Variants in SNX31 observed in about 807,000 individuals in gnomAD.
The protein encoded by SNX31 is sorting nexin-31.
In SNX31, 58 loss-of-function variants were observed where a neutral mutation model predicts 65.4. The observed-to-expected ratio is 0.89, with a 90% confidence interval of 0.72 to 1.10. SNX31 has a LOEUF of 1.10. Among genes scored for constraint, SNX31 ranks in the 50% least tolerant of loss-of-function variants. The probability of loss-of-function intolerance (pLI) is 0.00; values close to 1 mark genes in which losing one functional copy is unlikely to be tolerated. For synonymous variants in SNX31, 181 were observed against 190.1 expected (o/e 0.95, Z 0.39); for missense variants, 523 against 529.7 (o/e 0.99, Z 0.12).
chr8:100,592,890 A>G (rs1814710264), intron 10 of SNX31, among the ~76,000 whole-genome samples: 1 of 152,240 alleles, frequency 6.6e-6, no homozygotes, highest in African/African-American at 2.4e-5. Context: ...ATATGATTCC[A>G]TTAATATACG....
At chr8:100,582,840 G>A (rs181238696) in intron 12 of SNX31, among the ~76,000 whole-genome samples, 56 of 151,402 alleles carry the variant, frequency 3.7e-4, no homozygotes, top group African/African-American at 1.3e-3. Flanking sequence ...AAAATCAGCC[G>A]GGCGTGGTGG....
In SNX31 at chr8:100,591,444, G is replaced by A. The variant is rs372155916; in HGVS notation, c.979-2465C>T. Among the ~76,000 whole-genome samples the A allele has an allele frequency of 3.1e-4, 45 of 144,552 alleles. 1 individual carries two copies. The South Asian group carries it at 9.1e-3, about 29-fold the overall frequency. 94.8% of individuals were successfully genotyped at this position (144,552 alleles called of 152,430 possible). ...GCGGAGCTTGCAGTGAGCCGAGATC[G>A]CGCCACTGCACTCCAGCCTGGGCAA... is the stretch of plus-strand genomic sequence containing the variant. On this transcript the variant is annotated intron_variant, in intron 10 of 13. Transcript: ENST00000311812.
At chr8:100,587,974 T>C (rs1050697940) in intron 11 of SNX31, among the ~76,000 whole-genome samples, 1 of 152,190 alleles carries the variant, frequency 6.6e-6, no homozygotes, top group African/African-American at 2.4e-5. Flanking sequence ...CTAAGCTAGA[T>C]GATAGAGCCT....
chr8:100,582,713 C>T (rs1005951413), intron 12 of SNX31, among the ~76,000 whole-genome samples: 3 of 152,038 alleles, frequency 2.0e-5, no homozygotes, highest in Admixed American at 6.6e-5. Context: ...TGCGGTGGCT[C>T]ATGCCTGTAA....
chr8:100,624,011 G>A (rs1281240267), intron 4 of SNX31, among the ~76,000 whole-genome samples: 1 of 151,684 alleles, frequency 6.6e-6, no homozygotes, highest in East Asian at 1.9e-4. Context: ...GGGGGGAGGT[G>A]GGGGGATGCG....
At chr8:100,595,944 G>A (rs533000433) in intron 10 of SNX31, among the ~76,000 whole-genome samples, 3 of 152,290 alleles carry the variant, frequency 2.0e-5, no homozygotes, top group Non-Finnish European at 2.9e-5. Flanking sequence ...GGAGAAAGGA[G>A]AGAGATCTTT....
intron 10 of SNX31, among the ~76,000 whole-genome samples, chr8:100,592,648 C>T (rs571242709): frequency 5.3e-5 from 8 of 152,270 alleles, no homozygotes; most frequent in Non-Finnish European, 8.8e-5. Flanking sequence ...GACATAAAAA[C>T]ATGTCTACAC....
In SNX31 at chr8:100,609,384, CTGAT is replaced by C. The variant is rs941544100; in HGVS notation, c.612-825_612-822del. The stretch of plus-strand genomic sequence containing the variant: ...CCCTGAGTTTATTCCAATTGCCACT[CTGAT>C]TAAGTTTTCTTGACACCATCTGTGA... On this transcript the variant is annotated intron_variant, in intron 7 of 13. Transcript: ENST00000311812. This position sits in a 1 kb window ranked among gnomAD's most constrained non-coding sequence, Gnocchi z 4.9. 1.3e-5 allele frequency among the ~76,000 whole-genome samples: 2 copies of C among 152,188 alleles called. No individual in the cohort carries two copies. The highest frequency in any genetic ancestry group is 4.8e-5 in the African/African-American group (2 of 41,438).
rs1814832901 is a variant in SNX31, at chr8:100,594,036, C to T, written c.978+2603G>A. On this transcript the variant is annotated intron_variant, in intron 10 of 13. Transcript: ENST00000311812. This position sits in a 1 kb window ranked among gnomAD's most constrained non-coding sequence, Gnocchi z 4.0. Reference sequence around the variant, plus strand: ...CTATAGAGTGGGCCAGGTGTGGTGGCTCACACCTGTAATCCCAGCACTTTG... The same window carrying T: ...CTATAGAGTGGGCCAGGTGTGGTGGTTCACACCTGTAATCCCAGCACTTTG... Among the ~76,000 whole-genome samples, 1 of 152,024 alleles carries T rather than the reference C, an allele frequency of 6.6e-6. No homozygotes were observed. The highest frequency in any genetic ancestry group is 6.6e-5 in the Admixed American group (1 of 15,262).
rs1365261358 is a variant in SNX31, at chr8:100,609,034, A to G, written c.612-471T>C. Among the ~76,000 whole-genome samples, 1 of 152,102 alleles carries G rather than the reference A, an allele frequency of 6.6e-6. No homozygotes were observed. Among genetic ancestry groups the G allele is most frequent in the African/African-American group, 2.4e-5 (1 of 41,426 alleles). On this transcript the variant is annotated intron_variant, in intron 7 of 13. Coordinates refer to ENST00000311812, the MANE Select transcript of SNX31 (RefSeq NM_152628.4). This position sits in a 1 kb window ranked among gnomAD's most constrained non-coding sequence, Gnocchi z 4.9. The stretch of plus-strand genomic sequence containing the variant: ...CCATGTGCCCTTAATCTGATGCTCC[A>G]CATTCTAACCAGAGTGGTCTTTCCT...
At chr8:100,647,355 T>C (rs1281254917) in intron 2 of SNX31, among the ~76,000 whole-genome samples, 1 of 152,188 alleles carries the variant, frequency 6.6e-6, no homozygotes, top group Non-Finnish European at 1.5e-5. Context: ...AAGGCCCCAA[T>C]AGTAAATAAC....
At chr8:100,656,476 A>G (rs780875888) in intron 1 of SNX31, among the ~76,000 whole-genome samples, 1 of 151,860 alleles carries the variant, frequency 6.6e-6, no homozygotes, top group Non-Finnish European at 1.5e-5. Context: ...CCCTGTCTCT[A>G]CTAAAAATAC....
At chr8:100,608,738 A>G (rs940227658) in intron 7 of SNX31, among the ~76,000 whole-genome samples, 175 bp from the exon 8 acceptor site, 12 of 152,020 alleles carry the variant, frequency 7.9e-5, no homozygotes. Flanking sequence ...TTCGTTTCCT[A>G]ATTTCTTTAC....
rs1028894476 is a variant in SNX31 at position 100,609,190 on chromosome 8, A to C, written c.612-627T>G. On this transcript the variant is annotated intron_variant, in intron 7 of 13. Coordinates refer to ENST00000311812, the MANE Select transcript of SNX31 (RefSeq NM_152628.4). This position sits in a 1 kb window ranked among gnomAD's most constrained non-coding sequence, Gnocchi z 4.9. ...TCACCAACCCCACCACCAACGCTAC[A>C]TTCCAACCATGTTTTCTCTCCTCTC... 2.0e-5 allele frequency among the ~76,000 whole-genome samples: 3 copies of C among 152,060 alleles called. No homozygotes were observed. Among genetic ancestry groups the C allele is most frequent in the Admixed American group, 1.3e-4 (2 of 15,270 alleles).
At chr8:100,633,604 C>T (rs537962044) in intron 3 of SNX31, among the ~76,000 whole-genome samples, 1 of 151,966 alleles carries the variant, frequency 6.6e-6, no homozygotes, top group South Asian at 2.1e-4. Context: ...GGGGTTTTGC[C>T]ATGTAGGCCG....
chr8:100,641,427 T>TA (rs1819167531), intron 2 of SNX31, among the ~76,000 whole-genome samples: 1 of 149,272 alleles, frequency 6.7e-6, no homozygotes, highest in African/African-American at 2.5e-5. Context: ...TAGTCCCAGC[T>TA]ACTCAGGAAG....
At chr8:100,623,942 G>T (rs1258565087) in intron 4 of SNX31, among the ~76,000 whole-genome samples, 2 of 141,976 alleles carry the variant, frequency 1.4e-5, no homozygotes, top group African/African-American at 2.6e-5. Context: ...TTAGTCATAT[G>T]TTTTGAGACA....
At chr8:100,635,626 A>G (rs1437203394) in intron 3 of SNX31, among the ~76,000 whole-genome samples, 1 of 152,112 alleles carries the variant, frequency 6.6e-6, no homozygotes, top group African/African-American at 2.4e-5. Flanking sequence ...TTATATATGA[A>G]ACGTCCAGAA....
intron 10 of SNX31, among the ~76,000 whole-genome samples, chr8:100,591,805 G>C (rs1311142208): frequency 6.6e-6 from 1 of 152,058 alleles, no homozygotes; most frequent in Non-Finnish European, 1.5e-5. Flanking sequence ...CTCCAGCCTG[G>C]GTAACAGAGT....
Sources: gnomAD v4.1 joint callset for allele counts (sites outside exome capture counted in the v4.1 genomes callset) on GRCh38, gnomAD v4.1.1 for gene constraint, Gnocchi (gnomAD v3.1) non-coding constraint, MANE v1.5 for transcripts, NCBI Gene and HGNC (gene_info 2026-07-23, HGNC 2026-07-21) for gene names.